Variants in TNFRSF11B observed in about 807,000 individuals in gnomAD.
TNFRSF11B encodes tumor necrosis factor receptor superfamily member 11B.
A neutral mutation model predicts 43.4 loss-of-function variants in TNFRSF11B; 16 were observed. That is an observed-to-expected ratio of 0.37 (90% CI 0.25 to 0.56). TNFRSF11B has a LOEUF of 0.56. Ranked by LOEUF, TNFRSF11B falls within the 20% of genes least tolerant of loss-of-function variation. The pLI is 0.80. For synonymous variants in TNFRSF11B, 185 were observed against 181.8 expected, an observed-to-expected ratio of 1.02 and a Z score of -0.14; for missense variants, 444 against 490.1, an observed-to-expected ratio of 0.91 and a Z score of 0.89.
At chr8:118,948,917 A>T (rs1812603814) in intron 1 of TNFRSF11B, among the ~76,000 whole-genome samples, 2 of 152,188 alleles carry the variant, frequency 1.3e-5, no homozygotes, top group South Asian at 4.1e-4. Flanking sequence ...TGAGAAAAAA[A>T]TAAATCTACC....
chr8:118,935,807 A>G (rs1238662373), intron 1 of TNFRSF11B, among the ~76,000 whole-genome samples: 1 of 151,790 alleles, frequency 6.6e-6, no homozygotes, highest in African/African-American at 2.4e-5. Context: ...TTAGAGATCC[A>G]GAGGGATTCC....
intron 2 of TNFRSF11B, among the ~76,000 whole-genome samples, chr8:118,930,189 G>T (rs1586954697): frequency 1.3e-5 from 2 of 152,270 alleles, no homozygotes; most frequent in South Asian, 4.2e-4. Context: ...TTTTCTGTTT[G>T]TGTGTTTGTT....
chr8:118,932,711 A>C (rs1812346536), intron 2 of TNFRSF11B, among the ~76,000 whole-genome samples: 3 of 151,258 alleles, frequency 2.0e-5, no homozygotes, highest in African/African-American at 7.3e-5. Flanking sequence ...AATTTGCTGC[A>C]TTTGAGATTT....
chr8:118,925,086 T>C (rs565872198), intron 4 of TNFRSF11B, among the ~76,000 whole-genome samples: 170 of 152,320 alleles, frequency 1.1e-3, no homozygotes, highest in African/African-American at 3.5e-3. Flanking sequence ...ATTAAAACCA[T>C]AACATTTCAG....
At position 118,924,330 on chromosome 8, in the gene TNFRSF11B, G is replaced by C. The variant is rs1321657312; in HGVS notation, c.*44C>G. 1 of 1,609,600 alleles carries C rather than the reference G, an allele frequency of 6.2e-7. No homozygotes were observed. The highest frequency in any genetic ancestry group is 2.2e-5 in the East Asian group (1 of 44,870). On this transcript the variant is annotated 3_prime_UTR_variant, in exon 5 of 5. Coordinates refer to ENST00000297350, the MANE Select transcript of TNFRSF11B (RefSeq NM_002546.4). Reference sequence around the variant, plus strand: ...CTGAGAAACAGTTTACTCATCCATGGGATCTCGCCAATTGTGAGGAAACAG... The same window carrying C: ...CTGAGAAACAGTTTACTCATCCATGCGATCTCGCCAATTGTGAGGAAACAG...
At chr8:118,945,002 A>T (rs1812536777) in intron 1 of TNFRSF11B, among the ~76,000 whole-genome samples, 1 of 152,160 alleles carries the variant, frequency 6.6e-6, no homozygotes, top group Non-Finnish European at 1.5e-5. Flanking sequence ...AATGTGTCTC[A>T]GAATGAGAAA....
At chr8:118,947,611 A>G (rs1433853059) in intron 1 of TNFRSF11B, among the ~76,000 whole-genome samples, 2 of 152,334 alleles carry the variant, frequency 1.3e-5, no homozygotes, top group East Asian at 3.9e-4. Flanking sequence ...AAGTAAAAAA[A>G]TCTATTATCT....
intron 1 of TNFRSF11B, 53 bp downstream of exon 1, chr8:118,951,739 T>A: frequency 6.5e-7 from 1 of 1,537,586 alleles, no homozygotes; most frequent in Non-Finnish European, 8.8e-7. Context: ...GGAGACCAGG[T>A]GGCAGCAGCC....
intron 1 of TNFRSF11B, among the ~76,000 whole-genome samples, chr8:118,937,230 T>C (rs1255954279): frequency 6.6e-6 from 1 of 152,212 alleles, no homozygotes; most frequent in African/African-American, 2.4e-5. Flanking sequence ...TCTAATGCCT[T>C]TTCTAGCTCT....
At chr8:118,936,461 C>G (rs1196758521) in intron 1 of TNFRSF11B, among the ~76,000 whole-genome samples, 1 of 152,048 alleles carries the variant, frequency 6.6e-6, no homozygotes, top group African/African-American at 2.4e-5. Context: ...TTTCTGGACT[C>G]AGTTACTGGA....
chr8:118,929,160 TTACCTACAA>T lies in TNFRSF11B; in HGVS notation c.401-240_401-232del, dbSNP rs555560123. Reference sequence around the variant, plus strand: ...ATGCAAATGCAAGTCAATTTTCTCGTTACCTACAAAACGCTCATGAAATGTGAGAGGAAA... The same window carrying T: ...ATGCAAATGCAAGTCAATTTTCTCGTAACGCTCATGAAATGTGAGAGGAAA... On this transcript the variant is annotated intron_variant, in intron 2 of 4. Transcript: ENST00000297350. The T allele has an allele frequency of 6.5e-5, 36 of 554,916 alleles. No homozygotes were observed. In the South Asian group the frequency reaches 7.4e-4, roughly 11 times the overall value. 34.4% of individuals were successfully genotyped at this position (554,916 alleles called of 1,614,324 possible). A position where few individuals can be genotyped will look rare whatever the true frequency, so the allele number is the denominator to read the frequency against.
At chr8:118,931,930 T>TG (rs1812335602) in intron 2 of TNFRSF11B, among the ~76,000 whole-genome samples, 1 of 152,124 alleles carries the variant, frequency 6.6e-6, no homozygotes, top group Non-Finnish European at 1.5e-5. Flanking sequence ...GGCTGTCACA[T>TG]GGGGGAAGGA....
chr8:118,950,889 T>C (rs573413812), intron 1 of TNFRSF11B, among the ~76,000 whole-genome samples: 6 of 152,316 alleles, frequency 3.9e-5, no homozygotes, highest in African/African-American at 1.4e-4. Context: ...CTCAAACACA[T>C]CCAAAACACA....
chr8:118,946,336 T>C (rs1242875264), intron 1 of TNFRSF11B, among the ~76,000 whole-genome samples: 1 of 152,174 alleles, frequency 6.6e-6, no homozygotes, highest in Non-Finnish European at 1.5e-5. Context: ...TCTTAGCTAA[T>C]GTGTTGTAAC....
At chr8:118,942,492 A>G (rs1292824820) in intron 1 of TNFRSF11B, among the ~76,000 whole-genome samples, 1 of 152,104 alleles carries the variant, frequency 6.6e-6, no homozygotes, top group East Asian at 1.9e-4. Flanking sequence ...CTAAAACAGA[A>G]TTCAAGCTAA....
intron 1 of TNFRSF11B, among the ~76,000 whole-genome samples, chr8:118,937,057 G>A (rs1259136225): frequency 6.6e-6 from 1 of 151,984 alleles, no homozygotes; most frequent in Non-Finnish European, 1.5e-5. Flanking sequence ...GAAAGTTAAG[G>A]TTTCATCTCA....
chr8:118,942,859 T>C (rs1812507456), intron 1 of TNFRSF11B, among the ~76,000 whole-genome samples: 1 of 152,110 alleles, frequency 6.6e-6, no homozygotes, highest in Non-Finnish European at 1.5e-5. Flanking sequence ...GATTGACATA[T>C]AAATGGTCAA....
At position 118,924,488 on chromosome 8, in the gene TNFRSF11B, ACT is replaced by A. The variant is rs1398817062; in HGVS notation, c.1090_1091del (p.Leu365LysfsTer26). 1 of 1,613,916 alleles carries A rather than the reference ACT, an allele frequency of 6.2e-7. No homozygotes were observed. The highest frequency in any genetic ancestry group is 1.7e-5 in the Admixed American group (1 of 59,988). On this transcript the variant is annotated frameshift_variant, in exon 5 of 5. Transcript: ENST00000297350. LOFTEE classifies it high-confidence loss of function. ...GAAGGAACCTGATGGTCTTCTTTAGACTCTGAGTGACAGTTTTGGGAAAGTGG... is the reference window on the plus strand; with the variant it reads ...GAAGGAACCTGATGGTCTTCTTTAGACTGAGTGACAGTTTTGGGAAAGTGG... Reference protein sequence around the residue: ...TYHFPKTVTQSLKKTIRFLHS... With the variant: ...TYHFPKTVTQXLKKTIRFLHS...
chr8:118,939,361 C>G (rs1812446507), intron 1 of TNFRSF11B, among the ~76,000 whole-genome samples: 1 of 152,136 alleles, frequency 6.6e-6, no homozygotes, highest in South Asian at 2.1e-4. Flanking sequence ...TGTAAGCATG[C>G]ATCCAAAAAC....
Sources: allele counts gnomAD v4.1 joint callset (sites outside exome capture counted in the v4.1 genomes callset), GRCh38; gene constraint gnomAD v4.1.1; transcripts MANE v1.5; gene names NCBI Gene and HGNC (gene_info 2026-07-23, HGNC 2026-07-21).